The following LPIN2 variants were observed in gnomAD, a reference collection of about 807,000 sequenced individuals.
LPIN2 encodes the protein phosphatidate phosphatase LPIN2.
In LPIN2, 55 loss-of-function variants were observed where a neutral mutation model predicts 111.4. That is an observed-to-expected ratio of 0.49 (90% confidence interval 0.40 to 0.62). LPIN2 has a LOEUF of 0.62. Among genes scored for constraint, LPIN2 ranks in the 20% least tolerant of loss-of-function variants. The pLI is 0.00. For synonymous variants in LPIN2, 425 were observed against 414.0 expected, an observed-to-expected ratio of 1.03 and a Z score of -0.32; for missense variants, 992 against 1,112.1, an observed-to-expected ratio of 0.89 and a Z score of 1.54.
intron 1 of LPIN2, among the ~76,000 whole-genome samples, chr18:2,996,923 CA>C (rs2078353880): frequency 6.6e-6 from 1 of 152,140 alleles, no homozygotes; most frequent in Non-Finnish European, 1.5e-5. Flanking sequence ...TAAACTTCTG[CA>C]TAAGAGGTGC....
intron 18 of LPIN2, chr18:2,921,169 A>G (rs148407462): frequency 1.8e-6 from 1 of 554,510 alleles, no homozygotes; most frequent in Non-Finnish European, 3.2e-6. Context: ...ATGGCCCTGC[A>G]GAAGGGAGGC....
At chr18:2,970,600 A>C (rs970130817) in intron 1 of LPIN2, among the ~76,000 whole-genome samples, 2 of 152,260 alleles carry the variant, frequency 1.3e-5, no homozygotes, top group African/African-American at 2.4e-5. Flanking sequence ...TAAATCAGAC[A>C]GGCTAGATCC....
rs779984105 is a variant in LPIN2, at chr18:2,946,254, G to A, written c.590+4801C>T. On this transcript the variant is annotated intron_variant, in intron 4 of 19. Coordinates refer to ENST00000677752, the MANE Select transcript of LPIN2 (RefSeq NM_001375808.2). ...TCTACTGTCTTAGGGGCTTGAATGT[G>A]TTCCTGAAATTTTGGTTTTAATTCA... The A allele has an allele frequency of 1.4e-5, 22 of 1,549,418 alleles. No homozygotes were observed. The Admixed American group carries it at 3.0e-4, about 21-fold the overall frequency.
intron 1 of LPIN2, among the ~76,000 whole-genome samples, chr18:2,998,333 A>C (rs2078376288): frequency 1.3e-5 from 2 of 152,226 alleles, no homozygotes; most frequent in South Asian, 4.1e-4. Context: ...AGCTACTTCA[A>C]CAAGAGAGAA....
intron 1 of LPIN2, among the ~76,000 whole-genome samples, chr18:3,012,542 C>CT (rs2078622971): frequency 6.6e-6 from 1 of 152,192 alleles, no homozygotes; most frequent in Non-Finnish European, 1.5e-5. Flanking sequence ...GTCCACACAG[C>CT]TTGAAGGCGG....
At chr18:2,979,702 T>C (rs539015708) in intron 1 of LPIN2, among the ~76,000 whole-genome samples, 2 of 152,302 alleles carry the variant, frequency 1.3e-5, no homozygotes, top group South Asian at 2.1e-4. Context: ...AATTTTCAAA[T>C]AGCCGAAACA....
chr18:2,975,787 C>T (rs1055138565), intron 1 of LPIN2, among the ~76,000 whole-genome samples: 6 of 152,176 alleles, frequency 3.9e-5, no homozygotes, highest in Non-Finnish European at 8.8e-5. Context: ...GCCAGGAAAT[C>T]TGATTATTTG....
Position 2,926,808 on chromosome 18 carries a change from G to A in LPIN2, c.1711-3C>T, listed in dbSNP as rs753743998. On this transcript the variant is annotated splice_region_variant and splice_polypyrimidine_tract_variant and intron_variant, in intron 12 of 19. Transcript: ENST00000677752. ...TTTCCCTCCTTGGATTCTGGCAGCT[G>A]TAACAGCAAGATGATAATGGCAACA... The A allele has an allele frequency of 7.8e-5, 126 of 1,612,836 alleles. No homozygotes were observed. Among genetic ancestry groups the A allele is most frequent in the Non-Finnish European group, 1.0e-4 (121 of 1,179,280 alleles).
chr18:2,946,881 C>G, intron 4 of LPIN2: 3 of 318,442 alleles, frequency 9.4e-6, no homozygotes, highest in South Asian at 8.3e-5. Context: ...CATTTGGATA[C>G]AGAGCATTTC....
In LPIN2 at chr18:2,925,094, T is replaced by C. The variant is rs1598523315; in HGVS notation, c.1938+130A>G. On this transcript the variant is annotated intron_variant, in intron 14 of 19. Transcript: ENST00000677752. This position sits in a 1 kb window ranked among gnomAD's most constrained non-coding sequence, Gnocchi z 4.1. ...GCGGCGGTCGTGGTTCCACTGTGGA[T>C]AGGCATTGACACGACCATGCCGTGT... 4.9e-6 allele frequency: 6 copies of C among 1,223,086 alleles called. No individual in the cohort carries two copies. In the East Asian group the frequency reaches 9.7e-5, roughly 20 times the overall value. The allele number at this position is 1,223,086 out of a possible 1,614,324, so 75.8% of individuals were successfully genotyped here. A position where few individuals can be genotyped will look rare whatever the true frequency, so the allele number is the denominator to read the frequency against.
intron 3 of LPIN2, among the ~76,000 whole-genome samples, chr18:2,954,037 A>G (rs1316830527): frequency 1.3e-5 from 2 of 152,226 alleles, no homozygotes; most frequent in Admixed American, 6.5e-5. Flanking sequence ...TCTTGAGATC[A>G]TAATAAATTA....
chr18:3,009,019 C>T lies in LPIN2; in HGVS notation c.-10+4068G>A, dbSNP rs529309961. ...CGGTGGCTCACGCCTGTAATCCCAG[C>T]ACTTTAGGAGGCGAAAGCAGGAGGC... On this transcript the variant is annotated intron_variant, in intron 1 of 19. Transcript: ENST00000677752. Among the ~76,000 whole-genome samples the T allele has an allele frequency of 2.0e-5, 3 of 152,066 alleles. No individual in the cohort carries two copies. The East Asian group carries it at 5.8e-4, about 29-fold the overall frequency.
At chr18:2,959,188 A>C (rs1258494582) in intron 2 of LPIN2, among the ~76,000 whole-genome samples, 1 of 152,232 alleles carries the variant, frequency 6.6e-6, no homozygotes, top group East Asian at 1.9e-4. Flanking sequence ...CTCTGAACAG[A>C]GGCCAGACCA....
chr18:2,923,914 G>A (rs546451709), intron 15 of LPIN2, 53 bp from the exon 16 acceptor site: 29 of 1,444,400 alleles, frequency 2.0e-5, no homozygotes, highest in African/African-American at 1.4e-4. Context: ...CACATACAGC[G>A]TTTTCCTATT....
rs1383642994 is a variant in LPIN2, at chr18:2,996,495, T to TTTTTTTTTTTTTG, written c.-10+16591_-10+16592insCAAAAAAAAAAAA. 2.7e-4 allele frequency among the ~76,000 whole-genome samples: 28 copies of TTTTTTTTTTTTTG among 104,246 alleles called. 4 individuals carry two copies. The highest frequency in any genetic ancestry group is 1.0e-3 in the African/African-American group (27 of 26,548). 68.4% of individuals were successfully genotyped at this position (104,246 alleles called of 152,430 possible). On this transcript the variant is annotated intron_variant, in intron 1 of 19. Transcript: ENST00000677752. ...TTTTTTTTTTTTTTTTTTTTTTTTTTGAGACAGAGTCTCTCTCTGTCACCC... is the reference window on the plus strand; with the variant it reads ...TTTTTTTTTTTTTTTTTTTTTTTTTTTTTTTTTTTTTTGGAGACAGAGTCTCTCTCTGTCACCC...
rs559287817 is a variant in LPIN2 at position 2,921,351 on chromosome 18, C to T, written c.2442+182G>A. On this transcript the variant is annotated intron_variant, in intron 18 of 19. Coordinates refer to ENST00000677752, the MANE Select transcript of LPIN2 (RefSeq NM_001375808.2). Reference sequence around the variant, plus strand: ...TATAAATTCTGGGGCAGATCTGCACCTGCAGGACCTCCCCAGTTGCTATAG... The same window carrying T: ...TATAAATTCTGGGGCAGATCTGCACTTGCAGGACCTCCCCAGTTGCTATAG... The T allele has an allele frequency of 1.7e-4, 109 of 649,056 alleles. No individual in the cohort carries two copies. The East Asian group carries it at 2.9e-3, about 18-fold the overall frequency. The allele number at this position is 649,056 out of a possible 1,614,324, so 40.2% of individuals were successfully genotyped here.
At position 2,931,370 on chromosome 18, in the gene LPIN2, C is replaced by T; in HGVS notation, c.1342G>A (p.Gly448Arg). 6.2e-7 allele frequency: 1 copy of T among 1,613,184 alleles called. No homozygotes were observed. Among genetic ancestry groups the T allele is most frequent in the Admixed American group, 1.7e-5 (1 of 59,890 alleles). ...GTGCCGCTATCTGCAGCTGCGCTTC[C>T]CACGGACTGTGGGGACTGGGAGCCA... is the stretch of plus-strand genomic sequence containing the variant. ...LSGSQSPQSV[G>R]SAAADSGTEC... Residue 448 changes from glycine (G) to arginine (R), a missense_variant, in exon 9 of 20, where the codon GGA (glycine) becomes AGA (arginine). Gly to Arg is a moderately radical substitution (Grantham distance 125, BLOSUM62 -2). Coordinates refer to ENST00000677752, the MANE Select transcript of LPIN2 (RefSeq NM_001375808.2).
intron 1 of LPIN2, among the ~76,000 whole-genome samples, chr18:2,984,809 C>T (rs1263496796): frequency 6.6e-6 from 1 of 152,000 alleles, no homozygotes; most frequent in Non-Finnish European, 1.5e-5. Context: ...AAGAAGCCCC[C>T]CAGTTTCTGG....
At chr18:2,940,515 G>T in intron 5 of LPIN2, 90 bp downstream of exon 5, 1 of 759,252 alleles carries the variant, frequency 1.3e-6, no homozygotes, top group Non-Finnish European at 2.3e-6. Context: ...TGAGAGAAAT[G>T]GGAAATATCA....
Sources: gnomAD v4.1 joint callset for allele counts (sites outside exome capture counted in the v4.1 genomes callset) on GRCh38, gnomAD v4.1.1 for gene constraint, Gnocchi (gnomAD v3.1) non-coding constraint, MANE v1.5 for transcripts, NCBI Gene and HGNC (gene_info 2026-07-23, HGNC 2026-07-21) for gene names.